OR51B5: variants seen among roughly 807,000 people sequenced by gnomAD.
OR51B5 encodes olfactory receptor 51B5.
For missense variants in OR51B5, 456 were observed against 374.6 expected, an observed-to-expected ratio of 1.22 and a Z score of -1.79; for synonymous variants, 186 against 144.8, an observed-to-expected ratio of 1.28 and a Z score of -2.04.
chr11:5,454,485 C>A (rs536403510), intron 1 of OR51B5: 3 of 1,308,636 alleles, frequency 2.3e-6, no homozygotes, highest in Admixed American at 3.8e-5. Flanking sequence ...TCAGTAGCAT[C>A]GTCATCATCA....
intron 1 of OR51B5, among the ~76,000 whole-genome samples, chr11:5,497,053 A>T (rs1275896357): frequency 5.5e-5 from 8 of 146,350 alleles, no homozygotes; most frequent in East Asian, 4.0e-4. Context: ...AAAAAAAAAA[A>T]AAAAAAAAAA....
At chr11:5,484,715 G>A (rs1473909797) in intron 1 of OR51B5, among the ~76,000 whole-genome samples, 2 of 152,192 alleles carry the variant, frequency 1.3e-5, no homozygotes, top group Non-Finnish European at 2.9e-5. Context: ...TAAATGACCT[G>A]CCCAAGGACA....
chr11:5,399,788 GA>G (rs1372076247), intron 1 of OR51B5, among the ~76,000 whole-genome samples: 1 of 149,696 alleles, frequency 6.7e-6, no homozygotes, highest in African/African-American at 2.5e-5. Flanking sequence ...ATGCAAGAAA[GA>G]AAAAAAAAGG....
At chr11:5,466,134 G>A (rs1851135925) in intron 1 of OR51B5, among the ~76,000 whole-genome samples, 1 of 152,152 alleles carries the variant, frequency 6.6e-6, no homozygotes, top group African/African-American at 2.4e-5. Context: ...CCATCAAAAA[G>A]TGGGCGAAGG....
intron 1 of OR51B5, among the ~76,000 whole-genome samples, chr11:5,353,449 G>C (rs1849134655): frequency 6.6e-6 from 1 of 150,628 alleles, no homozygotes; most frequent in Non-Finnish European, 1.5e-5. Flanking sequence ...TAGCAGAGTT[G>C]AAAAACAAAC....
chr11:5,476,424 G>A (rs1239280689), intron 1 of OR51B5, among the ~76,000 whole-genome samples: 2 of 152,128 alleles, frequency 1.3e-5, no homozygotes, highest in East Asian at 3.9e-4. Flanking sequence ...GCACTCAGAG[G>A]GTAAATGCCT....
At chr11:5,417,517 C>A (rs1192881189) in intron 1 of OR51B5, among the ~76,000 whole-genome samples, 1 of 149,802 alleles carries the variant, frequency 6.7e-6, no homozygotes, top group African/African-American at 2.4e-5. Context: ...AAAATTTTCA[C>A]AACCTACTCA....
chr11:5,369,636 C>G (rs1336917022), intron 1 of OR51B5, among the ~76,000 whole-genome samples: 1 of 151,996 alleles, frequency 6.6e-6, no homozygotes, highest in Non-Finnish European at 1.5e-5. Context: ...TTATCCTTAC[C>G]TTTCTATCCT....
chr11:5,376,544 A>G (rs1416396791), intron 1 of OR51B5, among the ~76,000 whole-genome samples: 3 of 152,178 alleles, frequency 2.0e-5, no homozygotes, highest in Admixed American at 1.3e-4. Context: ...TGAAAGGATC[A>G]ACAAAACTGA....
intron 1 of OR51B5, among the ~76,000 whole-genome samples, chr11:5,491,182 G>C (rs955148982): frequency 4.6e-5 from 7 of 152,218 alleles, no homozygotes; most frequent in African/African-American, 1.7e-4. Flanking sequence ...TCTACACAGT[G>C]TCTGGCACAC....
rs939076328 is a variant in OR51B5, at chr11:5,358,037, C to G, written n.85-11127G>C. On this transcript the variant is annotated intron_variant and non_coding_transcript_variant, in intron 1 of 4. Coordinates refer to the OR51B5 transcript ENST00000415970. ...AGCACTAAACGCCCAGAAGAGAAAG[C>G]AGGAAAGATCTAAAATTGACACCCT... Among the ~76,000 whole-genome samples the G allele has an allele frequency of 1.1e-4, 16 of 151,814 alleles. No homozygotes were observed. The East Asian group carries it at 1.5e-3, about 15-fold the overall frequency.
intron 1 of OR51B5, chr11:5,402,614 C>G: frequency 2.1e-6 from 1 of 470,870 alleles, no homozygotes; most frequent in South Asian, 1.6e-5. Flanking sequence ...TTTCTAATAA[C>G]TCTTTGGGGT....
intron 1 of OR51B5, among the ~76,000 whole-genome samples, chr11:5,420,950 C>T (rs556221605): frequency 5.9e-5 from 9 of 152,266 alleles, no homozygotes; most frequent in South Asian, 2.1e-4. Context: ...CTTTCAACTA[C>T]AGCTCTCTTG....
intron 1 of OR51B5, chr11:5,441,115 A>G (rs1271531819): frequency 6.2e-7 from 1 of 1,613,934 alleles, no homozygotes; most frequent in Non-Finnish European, 8.5e-7. Context: ...ACAGTGACAT[A>G]GCGTAATGGA....
At chr11:5,493,462 A>G (rs576646343) in intron 1 of OR51B5, among the ~76,000 whole-genome samples, 6 of 152,358 alleles carry the variant, frequency 3.9e-5, no homozygotes, top group Middle Eastern at 3.4e-3. Flanking sequence ...AGATAAATAA[A>G]GAATTATCTC....
intron 1 of OR51B5, chr11:5,441,439 G>A: frequency 6.2e-7 from 1 of 1,613,872 alleles, no homozygotes; most frequent in Non-Finnish European, 8.5e-7. Flanking sequence ...ACCCAGGTGA[G>A]GCCTGTTTGT....
rs145614037 is a variant in OR51B5, at chr11:5,395,176, G to A, written n.85-48266C>T. Among the ~76,000 whole-genome samples the A allele has an allele frequency of 4.9e-3, 740 of 152,250 alleles. 8 individuals are homozygous for A. Among genetic ancestry groups the A allele is most frequent in the African/African-American group, 0.017 (720 of 41,548 alleles). ...CCTCTTTGACATTCATCAAGTCTGC[G>A]TCCATCTAGGGAGATTCCTTTGAGG... On this transcript the variant is annotated intron_variant and non_coding_transcript_variant, in intron 1 of 4. Transcript: ENST00000415970.
intron 1 of OR51B5, among the ~76,000 whole-genome samples, chr11:5,348,626 ATATTGT>A (rs1849029857): frequency 6.6e-6 from 1 of 152,096 alleles, no homozygotes; most frequent in Non-Finnish European, 1.5e-5. Flanking sequence ...GGAAAGGTTT[ATATTGT>A]GTAACAGGCA....
Position 5,474,518 on chromosome 11 carries a change from G to A in OR51B5, n.84+31051C>T, listed in dbSNP as rs560136132. Among the ~76,000 whole-genome samples, 3 of 152,044 alleles carry A rather than the reference G, an allele frequency of 2.0e-5. No individual in the cohort carries two copies. In the South Asian group the frequency reaches 6.2e-4, roughly 32 times the overall value. The stretch of plus-strand genomic sequence containing the variant: ...AATTAATAAATTGTTTTTGGAGATT[G>A]ATATTTATCTATCCAAACTTAAGAC... On this transcript the variant is annotated intron_variant and non_coding_transcript_variant, in intron 1 of 4. Transcript: ENST00000415970.
Sources: allele counts gnomAD v4.1 joint callset (sites outside exome capture counted in the v4.1 genomes callset), GRCh38; gene constraint gnomAD v4.1.1; transcripts MANE v1.5; gene names NCBI Gene and HGNC (gene_info 2026-07-23, HGNC 2026-07-21).